Variants in RANBP2 observed in about 807,000 individuals in gnomAD.
RANBP2 encodes the protein RAN binding protein 2, also known as E3 SUMO-protein ligase RanBP2.
In RANBP2, 57 loss-of-function variants were observed where a neutral mutation model predicts 303.6. The ratio of observed to expected loss-of-function variants is 0.19; its 90% confidence interval spans 0.15 to 0.23. The LOEUF is 0.23. RANBP2 is among the 10% of genes least tolerant of loss of function. RANBP2 has a pLI of 1.00. For synonymous variants in RANBP2, 1,167 were observed against 1,301.5 expected, an observed-to-expected ratio of 0.90 and a Z score of 2.23; for missense variants, 3,138 against 3,780.8, an observed-to-expected ratio of 0.83 and a Z score of 4.46.
intron 1 of RANBP2, among the ~76,000 whole-genome samples, chr2:108,722,222 T>G (rs116200587): frequency 3.9e-5 from 6 of 152,152 alleles, no homozygotes; most frequent in Admixed American, 3.3e-4. Context: ...ATTTTGAGGA[T>G]TGGTTATTAT....
the RANBP2 span, among the ~76,000 whole-genome samples, chr2:109,493,879 A>G: frequency 1.3e-5 from 2 of 151,958 alleles, no homozygotes; most frequent in Non-Finnish European, 2.9e-5. Context: ...CACAACACAC[A>G]CCCACCTTCT....
chr2:108,907,930 G>C, the RANBP2 span: 30 of 1,613,494 alleles, frequency 1.9e-5, no homozygotes, highest in Admixed American at 5.0e-4. Context: ...GCACAGCTCC[G>C]GGGAGCCCTG....
At chr2:109,263,324 G>A in the RANBP2 span, among the ~76,000 whole-genome samples, 1 of 152,168 alleles carries the variant, frequency 6.6e-6, no homozygotes, top group Admixed American at 6.5e-5. Flanking sequence ...TATAAGGTGG[G>A]TAGATCAACT....
At chr2:109,134,470 G>A in the RANBP2 span, among the ~76,000 whole-genome samples, 2 of 152,140 alleles carry the variant, frequency 1.3e-5, no homozygotes, top group East Asian at 1.9e-4. Context: ...TGCAGCCAGC[G>A]AGTGAATAAT....
chr2:109,689,038 G>C, the RANBP2 span, among the ~76,000 whole-genome samples: 2 of 151,566 alleles, frequency 1.3e-5, no homozygotes, highest in African/African-American at 4.8e-5. Flanking sequence ...TCCCGAGTAG[G>C]TGGGATTACA....
the RANBP2 span, among the ~76,000 whole-genome samples, chr2:109,018,286 A>G: frequency 6.6e-6 from 1 of 152,210 alleles, no homozygotes; most frequent in Non-Finnish European, 1.5e-5. Flanking sequence ...TCAAAGCAGG[A>G]TGGAGGAAGC....
chr2:109,565,689 C>T, the RANBP2 span: 5 of 1,269,872 alleles, frequency 3.9e-6, no homozygotes, highest in South Asian at 6.0e-5. Flanking sequence ...AGCATCACCC[C>T]AAAGAAGGCA....
At chr2:109,048,261 T>G in the RANBP2 span, among the ~76,000 whole-genome samples, 1 of 152,246 alleles carries the variant, frequency 6.6e-6, no homozygotes, top group Non-Finnish European at 1.5e-5. Context: ...ATTTTCTTAC[T>G]TTTTAGGGTT....
the RANBP2 span, among the ~76,000 whole-genome samples, chr2:109,273,847 G>A: frequency 3.9e-5 from 6 of 152,132 alleles, no homozygotes; most frequent in East Asian, 1.2e-3. Context: ...TGCTTATAAA[G>A]GGGTTGCTTG....
At chr2:109,329,736 C>A in the RANBP2 span, among the ~76,000 whole-genome samples, 1 of 152,194 alleles carries the variant, frequency 6.6e-6, no homozygotes, top group Admixed American at 6.5e-5. Context: ...AAATGAATTG[C>A]AGGAGTGTGA....
At chr2:109,577,091 A>AAGG in the RANBP2 span, among the ~76,000 whole-genome samples, 2 of 152,146 alleles carry the variant, frequency 1.3e-5, no homozygotes, top group East Asian at 3.8e-4. Flanking sequence ...GAGGAAAAAA[A>AAGG]GGAGAGGACC....
chr2:108,794,529 T>C, the RANBP2 span: 1 of 1,589,620 alleles, frequency 6.3e-7, no homozygotes, highest in Non-Finnish European at 8.6e-7. Flanking sequence ...CAAATGTTAT[T>C]TTCTTTGCAG....
the RANBP2 span, among the ~76,000 whole-genome samples, chr2:108,994,453 T>G: frequency 6.6e-6 from 1 of 152,164 alleles, no homozygotes; most frequent in Non-Finnish European, 1.5e-5. Flanking sequence ...TACTAAATCT[T>G]TTTTACGATC....
chr2:109,599,536 G>C, the RANBP2 span, among the ~76,000 whole-genome samples: 1 of 151,788 alleles, frequency 6.6e-6, no homozygotes, highest in Non-Finnish European at 1.5e-5. Flanking sequence ...TTGGCCTCCA[G>C]TGTGCATGGC....
the RANBP2 span, among the ~76,000 whole-genome samples, chr2:109,470,061 G>A: frequency 3.3e-5 from 5 of 152,204 alleles, no homozygotes; most frequent in African/African-American, 4.8e-5. Context: ...AGCTGAGCCC[G>A]TTCTGGTGGT....
the RANBP2 span, chr2:109,615,314 C>T: frequency 8.1e-6 from 13 of 1,608,314 alleles, no homozygotes; most frequent in Admixed American, 1.7e-5. Context: ...TGCTCTCTGC[C>T]TCCGATGGCA....
the RANBP2 span, among the ~76,000 whole-genome samples, chr2:109,385,402 C>T: frequency 6.6e-6 from 1 of 152,206 alleles, no homozygotes; most frequent in Admixed American, 6.5e-5. Context: ...CAGGAAGAAG[C>T]CCCCATGTCC....
chr2:109,464,367 T>C, the RANBP2 span, among the ~76,000 whole-genome samples: 3 of 152,240 alleles, frequency 2.0e-5, no homozygotes, highest in Non-Finnish European at 4.4e-5. Flanking sequence ...AATAAGCATA[T>C]TTATGTATAT....
At chr2:109,662,411 C>A in the RANBP2 span, among the ~76,000 whole-genome samples, 1 of 152,160 alleles carries the variant, frequency 6.6e-6, no homozygotes, top group Non-Finnish European at 1.5e-5. Context: ...CTCAGCCTCC[C>A]AAGTAGCTGG....
Sources: allele counts gnomAD v4.1 joint callset (sites outside exome capture counted in the v4.1 genomes callset), GRCh38; gene constraint gnomAD v4.1.1; transcripts MANE v1.5; gene names NCBI Gene and HGNC (gene_info 2026-07-23, HGNC 2026-07-21).